The following CUX1 variants were observed in gnomAD, a reference collection of about 807,000 sequenced individuals.
CUX1 encodes the protein protein CASP.
A neutral mutation model predicts 158.8 loss-of-function variants in CUX1; 31 were observed. The observed-to-expected ratio is 0.20, with a 90% CI of 0.15 to 0.26. CUX1 has a LOEUF of 0.26. Ranked by LOEUF, CUX1 falls within the 10% of genes least tolerant of loss-of-function variation. The pLI is 1.00. For synonymous variants in CUX1, 879 were observed against 862.1 expected, an observed-to-expected ratio of 1.02 and a Z score of -0.34; for missense variants, 1,589 against 2,014.6, an observed-to-expected ratio of 0.79 and a Z score of 4.04.
chr7:101,940,753 T>C (rs1390396664), intron 2 of CUX1, among the ~76,000 whole-genome samples: 1 of 152,102 alleles, frequency 6.6e-6, no homozygotes, highest in East Asian at 1.9e-4. Flanking sequence ...TCCACATCTG[T>C]TGCTTGGCTG....
At chr7:102,262,218 A>G (rs1339847980), downstream of CUX1, among the ~76,000 whole-genome samples, 1 of 152,184 alleles carries the variant, frequency 6.6e-6, no homozygotes, top group Admixed American at 6.5e-5. Context: ...CCTGGCTAAC[A>G]TGGTGAAACC....
intron 8 of CUX1, among the ~76,000 whole-genome samples, chr7:102,158,200 C>A (rs1790000184): frequency 6.6e-6 from 1 of 152,194 alleles, no homozygotes; most frequent in Non-Finnish European, 1.5e-5. Context: ...TTGATTCCCT[C>A]CCACAAAGAG....
chr7:102,163,044 A>G (rs782634004), intron 9 of CUX1, among the ~76,000 whole-genome samples: 15 of 152,236 alleles, frequency 9.9e-5, no homozygotes, highest in Non-Finnish European at 1.8e-4. Context: ...GTGAAGCTAC[A>G]GGTGAACCCA....
chr7:102,164,586 G>A (rs1343307587), intron 9 of CUX1, among the ~76,000 whole-genome samples: 2 of 152,218 alleles, frequency 1.3e-5, no homozygotes, highest in African/African-American at 4.8e-5. Context: ...CCCTCACCAC[G>A]GAGAGTGGGT....
chr7:102,070,505 A>G, intron 4 of CUX1, 88 bp downstream of exon 4: 4 of 974,936 alleles, frequency 4.1e-6, no homozygotes, highest in South Asian at 1.4e-5. Context: ...TGGCTTTCCT[A>G]AGGAAAATAA....
Position 102,254,265 on chromosome 7 carries a change from A to C in CUX1, c.*5223A>C, listed in dbSNP as rs556300440. The C allele has an allele frequency of 2.0e-6, 2 of 985,364 alleles. No individual in the cohort carries two copies. The highest frequency in any genetic ancestry group is 2.4e-6 in the Non-Finnish European group (2 of 829,948). 61.0% of individuals were successfully genotyped at this position (985,364 alleles called of 1,614,324 possible). A position where few individuals can be genotyped will look rare whatever the true frequency, so the allele number is the denominator to read the frequency against. On this transcript the variant is annotated 3_prime_UTR_variant, in exon 24 of 24. Coordinates refer to ENST00000292535, the MANE Select transcript of CUX1 (RefSeq NM_181552.4). ...CAGTCCTGCTCAGCTGTTAAGATCC[A>C]TCATGGCCATTATCCTTGTCCCGGA...
chr7:102,101,069 C>T (rs1278050007), intron 5 of CUX1, among the ~76,000 whole-genome samples: 1 of 152,148 alleles, frequency 6.6e-6, no homozygotes, highest in Non-Finnish European at 1.5e-5. Flanking sequence ...GACTCATCAC[C>T]AGAGAGAGGC....
At chr7:101,946,683 AAAGATCACTCACTGCT>A (rs1430120938) in intron 2 of CUX1, among the ~76,000 whole-genome samples, 1 of 152,036 alleles carries the variant, frequency 6.6e-6, no homozygotes, top group East Asian at 1.9e-4. Flanking sequence ...CAGAGGAAGG[AAAGATCACTCACTGCT>A]AAGCCTTTCA....
At chr7:101,942,476 A>T (rs1188507274) in intron 2 of CUX1, among the ~76,000 whole-genome samples, 1 of 152,092 alleles carries the variant, frequency 6.6e-6, no homozygotes, top group Non-Finnish European at 1.5e-5. Flanking sequence ...AATTTTGTTG[A>T]TTTTGAGACA....
At chr7:101,967,661 A>G (rs1196560471) in intron 2 of CUX1, among the ~76,000 whole-genome samples, 1 of 152,216 alleles carries the variant, frequency 6.6e-6, no homozygotes, top group East Asian at 1.9e-4. Context: ...CATTCTTGAA[A>G]TGGTCTGCAC....
chr7:102,111,870 T>A, intron 7 of CUX1, 96 bp downstream of exon 7: 4 of 1,123,714 alleles, frequency 3.6e-6, no homozygotes, highest in Non-Finnish European at 5.3e-6. Context: ...CGGATACCTG[T>A]TGCTCTTCGG....
chr7:101,974,141 C>G (rs1369452620), intron 2 of CUX1, among the ~76,000 whole-genome samples: 1 of 151,312 alleles, frequency 6.6e-6, no homozygotes, highest in Non-Finnish European at 1.5e-5. Flanking sequence ...CACAATCTCA[C>G]TGCAACGTCC....
intron 4 of CUX1, among the ~76,000 whole-genome samples, chr7:102,075,649 C>T (rs1483437885): frequency 6.6e-6 from 1 of 152,218 alleles, no homozygotes; most frequent in South Asian, 2.1e-4. Context: ...ACTGTTCCCA[C>T]TGAACCACCC....
At chr7:102,213,551 A>C (rs2132167190) in intron 20 of CUX1, among the ~76,000 whole-genome samples, 1 of 152,296 alleles carries the variant, frequency 6.6e-6, no homozygotes, top group East Asian at 1.9e-4. Flanking sequence ...AAAAGGCCCG[A>C]CAGGCCCAGT....
intron 1 of CUX1, among the ~76,000 whole-genome samples, chr7:101,851,037 A>C (rs762907100): frequency 6.6e-6 from 1 of 152,118 alleles, no homozygotes; most frequent in Non-Finnish European, 1.5e-5. Context: ...TAAGCTGGGG[A>C]GGTCAAGGAT....
At chr7:101,950,355 CA>C (rs1297141134) in intron 2 of CUX1, among the ~76,000 whole-genome samples, 2 of 151,612 alleles carry the variant, frequency 1.3e-5, no homozygotes, top group Admixed American at 6.6e-5. Flanking sequence ...ATGAAATTCC[CA>C]AAAAAACCCA....
chr7:102,281,988 G>A (rs1792108165), intron 21 of CUX1: 4 of 1,149,522 alleles, frequency 3.5e-6, no homozygotes. Context: ...AGGGCAGCAG[G>A]GGCCTGTTAC....
intron 11 of CUX1, among the ~76,000 whole-genome samples, chr7:102,181,103 G>A (rs544457536): frequency 6.6e-6 from 1 of 151,620 alleles, no homozygotes; most frequent in Non-Finnish European, 1.5e-5. Context: ...CACCACTTCC[G>A]GATAATTTTG....
chr7:101,973,391 C>G (rs1043614178), intron 2 of CUX1, among the ~76,000 whole-genome samples: 4 of 152,146 alleles, frequency 2.6e-5, no homozygotes, highest in East Asian at 1.9e-4. Flanking sequence ...CCACTGCCCC[C>G]CAGCCCTCCG....
Sources: allele counts gnomAD v4.1 joint callset (sites outside exome capture counted in the v4.1 genomes callset), GRCh38; gene constraint gnomAD v4.1.1; transcripts MANE v1.5; gene names NCBI Gene and HGNC (gene_info 2026-07-23, HGNC 2026-07-21).